Variants in CREBBP observed in about 807,000 individuals in gnomAD.
CREBBP encodes the protein CREB-binding protein.
A neutral mutation model predicts 265.0 loss-of-function variants in CREBBP; 19 were observed. The observed-to-expected ratio is 0.07, with a 90% confidence interval of 0.05 to 0.11. CREBBP has a LOEUF of 0.11. Ranked by LOEUF, CREBBP falls within the 10% of genes least tolerant of loss-of-function variation. The pLI is 1.00. For synonymous variants in CREBBP, 1,457 were observed against 1,223.7 expected, an observed-to-expected ratio of 1.19 and a Z score of -3.98; for missense variants, 2,525 against 3,219.0, an observed-to-expected ratio of 0.78 and a Z score of 5.22.
chr16:3,828,873 G>A (rs2054289479), intron 2 of CREBBP, among the ~76,000 whole-genome samples: 1 of 152,166 alleles, frequency 6.6e-6, no homozygotes, highest in Non-Finnish European at 1.5e-5. Context: ...TATTAAAAAT[G>A]AGAAAAAGCA....
intron 9 of CREBBP, 142 bp downstream of exon 9, chr16:3,778,558 A>C: frequency 2.6e-6 from 2 of 764,606 alleles, no homozygotes; most frequent in Admixed American, 3.6e-5. Context: ...TTATCTGGGA[A>C]GTCTCCTTGG....
At chr16:3,792,266 T>C (rs1013073169) in intron 4 of CREBBP, among the ~76,000 whole-genome samples, 172 bp from the exon 5 acceptor site, 3 of 152,150 alleles carry the variant, frequency 2.0e-5, no homozygotes, top group Admixed American at 6.5e-5. Flanking sequence ...AGTTTGTAAG[T>C]TGACTGTTGA....
In CREBBP at chr16:3,769,357, T is replaced by C. The variant is rs1231166739; in HGVS notation, c.2881-4A>G. 6.2e-7 allele frequency: 1 copy of C among 1,614,104 alleles called. No individual in the cohort carries two copies. The highest frequency in any genetic ancestry group is 1.3e-5 in the African/African-American group (1 of 75,008). ...TGCTGGCTGCTGCCTGGGAAAGCTGTGAAAAAACCGAAAGCACTGACTTCA... is the reference window on the plus strand; with the variant it reads ...TGCTGGCTGCTGCCTGGGAAAGCTGCGAAAAAACCGAAAGCACTGACTTCA... On this transcript the variant is annotated splice_region_variant and splice_polypyrimidine_tract_variant and intron_variant, in intron 14 of 30. Transcript: ENST00000262367.
At chr16:3,802,566 T>C (rs2053738906) in intron 3 of CREBBP, among the ~76,000 whole-genome samples, 1 of 152,192 alleles carries the variant, frequency 6.6e-6, no homozygotes, top group Non-Finnish European at 1.5e-5. Context: ...ATAACAGAGA[T>C]GTGCATACAG....
At position 3,726,777 on chromosome 16, in the gene CREBBP, G is replaced by C. The variant is rs2051757543; in HGVS notation, c.*941C>G. On this transcript the variant is annotated 3_prime_UTR_variant, in exon 31 of 31. Coordinates refer to ENST00000262367, the MANE Select transcript of CREBBP (RefSeq NM_004380.3). ...CATAACAAAAAACCCCGAACACTAA[G>C]TGTTAATACCATGTACATGAATTCA... The C allele has an allele frequency of 8.6e-6, 2 of 233,400 alleles. No individual in the cohort carries two copies. Among genetic ancestry groups the C allele is most frequent in the African/African-American group, 2.2e-5 (1 of 45,310 alleles). The allele number at this position is 233,400 out of a possible 1,614,324, so 14.5% of individuals were successfully genotyped here.
Position 3,778,015 on chromosome 16 carries a change from A to C in CREBBP, c.2109T>G (p.Pro703=). The C allele has an allele frequency of 6.2e-7, 1 of 1,614,204 alleles. No individual in the cohort carries two copies. Among genetic ancestry groups the C allele is most frequent in the East Asian group, 2.2e-5 (1 of 44,882 alleles). ...PVIPQAQPVR[P]PNGPLSLPVN... is the part of the protein sequence containing the mutation. ...AGTAGGAAATAAAATCCTTACTTGGAGGTCTCACAGGTTGTGCCTGTGGAA... is the reference window on the plus strand; with the variant it reads ...AGTAGGAAATAAAATCCTTACTTGGCGGTCTCACAGGTTGTGCCTGTGGAA... Residue 703 remains proline, a synonymous_variant, in exon 10 of 31, where the codon CCT becomes CCG. Coordinates refer to ENST00000262367, the MANE Select transcript of CREBBP (RefSeq NM_004380.3).
chr16:3,756,323 G>T (rs752415661), intron 19 of CREBBP, among the ~76,000 whole-genome samples: 1 of 152,202 alleles, frequency 6.6e-6, no homozygotes, highest in South Asian at 2.1e-4. Context: ...GTGCCTCCAC[G>T]CATGGTGCGC....
Position 3,727,530 on chromosome 16 carries a change from C to T in CREBBP, c.*188G>A, listed in dbSNP as rs1199405465. 8.0e-6 allele frequency: 3 copies of T among 376,582 alleles called. No homozygotes were observed. Among genetic ancestry groups the T allele is most frequent in the Non-Finnish European group, 1.1e-5 (3 of 264,162 alleles). 23.3% of individuals were successfully genotyped at this position (376,582 alleles called of 1,614,324 possible). On this transcript the variant is annotated 3_prime_UTR_variant, in exon 31 of 31. Transcript: ENST00000262367. ...CCAAAAAAAAACCAAAGAGAGAGAC[C>T]AGATATTTAAATCAACTGGTTTTTA...
intron 2 of CREBBP, among the ~76,000 whole-genome samples, chr16:3,821,407 G>T (rs2054139167): frequency 6.6e-6 from 1 of 152,182 alleles, no homozygotes; most frequent in African/African-American, 2.4e-5. Context: ...AGGAGACTGG[G>T]GAGTTCGTGG....
intron 2 of CREBBP, among the ~76,000 whole-genome samples, chr16:3,833,138 C>A (rs997219291): frequency 3.3e-5 from 5 of 152,226 alleles, no homozygotes; most frequent in African/African-American, 1.2e-4. Flanking sequence ...GCTGGCCAGG[C>A]ACGGTGGCTC....
intron 21 of CREBBP, chr16:3,745,771 G>T: frequency 3.2e-6 from 1 of 309,092 alleles, no homozygotes; most frequent in Non-Finnish European, 6.2e-6. Context: ...TTCTAAACAT[G>T]TGCTCTTAAG....
intron 1 of CREBBP, among the ~76,000 whole-genome samples, chr16:3,866,173 A>G (rs2055175638): frequency 6.6e-6 from 1 of 152,236 alleles, no homozygotes; most frequent in African/African-American, 2.4e-5. Context: ...GAACTTTTCG[A>G]AAGTATTTTT....
chr16:3,761,681 C>G (rs982502719), intron 16 of CREBBP: 1 of 477,002 alleles, frequency 2.1e-6, no homozygotes, highest in East Asian at 6.4e-5. Flanking sequence ...CGACGCAGCA[C>G]TCCCCACGCA....
rs1021349750 is a variant in CREBBP at position 3,880,238 on chromosome 16, C to A, written c.-322G>T. The A allele has an allele frequency of 1.9e-4, 27 of 141,954 alleles. No homozygotes were observed. The highest frequency in any genetic ancestry group is 3.9e-4 in the Non-Finnish European group (25 of 63,838). The allele number at this position is 141,954 out of a possible 1,614,324, so 8.8% of individuals were successfully genotyped here. ...GGCGCCCCGGCGGCCCGGCCGCCCC[C>A]CCGGGCCCGGCTGGCAGCGACGGCG... On this transcript the variant is annotated 5_prime_UTR_variant, in exon 1 of 31. Coordinates refer to ENST00000262367, the MANE Select transcript of CREBBP (RefSeq NM_004380.3).
At chr16:3,745,212 C>T in intron 22 of CREBBP, 65 bp downstream of exon 22, 1 of 1,338,958 alleles carries the variant, frequency 7.5e-7, no homozygotes, top group South Asian at 1.2e-5. Context: ...ATGCAGTAGC[C>T]ACTGCAACTG....
chr16:3,845,834 C>A (rs2054655506), intron 2 of CREBBP, among the ~76,000 whole-genome samples: 1 of 141,176 alleles, frequency 7.1e-6, no homozygotes, highest in Non-Finnish European at 1.5e-5. Context: ...TTGCAGTGAG[C>A]TGAGATCATG....
chr16:3,736,342 C>T (rs529400600), intron 27 of CREBBP, 139 bp from the exon 28 acceptor site: 1 of 916,670 alleles, frequency 1.1e-6, no homozygotes, highest in Non-Finnish European at 1.7e-6. Context: ...CACCACAGTG[C>T]AGCAGACCCC....
At chr16:3,879,517 C>G (rs1225329230) in intron 1 of CREBBP, among the ~76,000 whole-genome samples, 1 of 152,194 alleles carries the variant, frequency 6.6e-6, no homozygotes, top group African/African-American at 2.4e-5. Flanking sequence ...CGGATGGATG[C>G]GTAGGACATT....
chr16:3,730,102 T>C (rs1359146684), intron 30 of CREBBP, among the ~76,000 whole-genome samples: 2 of 152,120 alleles, frequency 1.3e-5, no homozygotes, highest in Non-Finnish European at 2.9e-5. Context: ...CATGGGATCA[T>C]GGACAGGACG....
Sources: allele counts gnomAD v4.1 joint callset (sites outside exome capture counted in the v4.1 genomes callset), GRCh38; gene constraint gnomAD v4.1.1; transcripts MANE v1.5; gene names NCBI Gene and HGNC (gene_info 2026-07-23, HGNC 2026-07-21).